FMNL2: variants seen among roughly 807,000 people sequenced by gnomAD.
The protein encoded by FMNL2 is formin-like protein 2.
A neutral mutation model predicts 130.2 loss-of-function variants in FMNL2; 51 were observed. That is an observed-to-expected ratio of 0.39 (90% CI 0.31 to 0.49). The LOEUF is 0.49. Ranked by LOEUF, FMNL2 falls within the 20% of genes least tolerant of loss-of-function variation. The probability of loss-of-function intolerance (pLI) is 0.85; values close to 1 mark genes in which losing one functional copy is unlikely to be tolerated. For synonymous variants in FMNL2, 465 were observed against 467.1 expected (o/e 1.00, Z 0.06); for missense variants, 977 against 1,316.2 (o/e 0.74, Z 3.99).
chr2:152,350,112 G>T (rs923835433), intron 1 of FMNL2, among the ~76,000 whole-genome samples: 1 of 152,184 alleles, frequency 6.6e-6, no homozygotes, highest in African/African-American at 2.4e-5. Flanking sequence ...AATGGGATAT[G>T]TGAAGTGGTG....
intron 25 of FMNL2, among the ~76,000 whole-genome samples, chr2:152,647,060 C>T (rs910250285): frequency 1.3e-5 from 2 of 152,064 alleles, no homozygotes; most frequent in Admixed American, 1.3e-4. Context: ...TTCTTGCTGA[C>T]GTAACATAAA....
chr2:152,642,067 AG>A (rs1164259920), intron 25 of FMNL2, among the ~76,000 whole-genome samples: 2 of 152,016 alleles, frequency 1.3e-5, no homozygotes, highest in Non-Finnish European at 1.5e-5. Flanking sequence ...CAGCCTCCCA[AG>A]TAGCTGGGAC....
intron 10 of FMNL2, among the ~76,000 whole-genome samples, chr2:152,609,057 G>C (rs956101292): frequency 6.6e-6 from 1 of 152,136 alleles, no homozygotes; most frequent in Non-Finnish European, 1.5e-5. Flanking sequence ...AGCCCAGCCT[G>C]CTCATTTATG....
intron 1 of FMNL2, among the ~76,000 whole-genome samples, chr2:152,520,159 T>C (rs1375010463): frequency 1.3e-5 from 2 of 152,230 alleles, no homozygotes; most frequent in Non-Finnish European, 2.9e-5. Flanking sequence ...AGATATTCCA[T>C]GAAGACAGGC....
intron 1 of FMNL2, among the ~76,000 whole-genome samples, chr2:152,430,724 T>A (rs1253305968): frequency 6.6e-6 from 1 of 152,044 alleles, no homozygotes; most frequent in East Asian, 1.9e-4. Context: ...ATACAAAAAA[T>A]TAGCGGGGCA....
chr2:152,519,061 A>G (rs973055910), intron 1 of FMNL2, among the ~76,000 whole-genome samples: 7 of 151,934 alleles, frequency 4.6e-5, no homozygotes, highest in African/African-American at 1.7e-4. Context: ...AGCTCCTTAA[A>G]TGTGGAAAGC....
chr2:152,604,554 C>T (rs1698254472), intron 9 of FMNL2, among the ~76,000 whole-genome samples: 1 of 141,556 alleles, frequency 7.1e-6, no homozygotes, highest in African/African-American at 2.5e-5. Context: ...CTCTTTTCCT[C>T]TTCTGTTACT....
chr2:152,474,649 G>A (rs1482300022), intron 1 of FMNL2, among the ~76,000 whole-genome samples: 1 of 152,018 alleles, frequency 6.6e-6, no homozygotes, highest in Non-Finnish European at 1.5e-5. Context: ...TTGTACCACT[G>A]CACTCCAGCC....
At chr2:152,513,591 C>G (rs1692600307) in intron 1 of FMNL2, among the ~76,000 whole-genome samples, 2 of 152,126 alleles carry the variant, frequency 1.3e-5, no homozygotes, top group Admixed American at 1.3e-4. Flanking sequence ...TCTTGTAGCT[C>G]TGTACTTTTT....
chr2:152,374,594 TA>T (rs1360162108), intron 1 of FMNL2, among the ~76,000 whole-genome samples: 10 of 152,154 alleles, frequency 6.6e-5, no homozygotes, highest in Admixed American at 2.0e-4. Context: ...TTTAATGGCT[TA>T]AAAAAATTCT....
intron 1 of FMNL2, among the ~76,000 whole-genome samples, chr2:152,486,340 C>T (rs769199365): frequency 7.2e-5 from 11 of 152,230 alleles, no homozygotes; most frequent in Middle Eastern, 3.4e-3. Context: ...TAACAATATA[C>T]GATTCTTTCA....
At chr2:152,376,643 T>C (rs1043905430) in intron 1 of FMNL2, among the ~76,000 whole-genome samples, 3 of 151,704 alleles carry the variant, frequency 2.0e-5, no homozygotes, top group Non-Finnish European at 4.4e-5. Context: ...TACTGAAAAT[T>C]GTGACCTCCT....
At chr2:152,427,213 C>A (rs1464570284) in intron 1 of FMNL2, among the ~76,000 whole-genome samples, 1 of 152,038 alleles carries the variant, frequency 6.6e-6, no homozygotes, top group Non-Finnish European at 1.5e-5. Flanking sequence ...AAGAGGGAAA[C>A]CAGATGGGAA....
intron 8 of FMNL2, among the ~76,000 whole-genome samples, chr2:152,579,942 A>G (rs1696688526): frequency 6.6e-6 from 1 of 152,238 alleles, no homozygotes; most frequent in Non-Finnish European, 1.5e-5. Context: ...AAAACTGTTA[A>G]TTCAAAAATC....
chr2:152,350,902 G>A (rs886271766), intron 1 of FMNL2, among the ~76,000 whole-genome samples: 3 of 152,152 alleles, frequency 2.0e-5, no homozygotes, highest in East Asian at 1.9e-4. Flanking sequence ...AAAATCGGCC[G>A]GGTATGGTGG....
intron 6 of FMNL2, among the ~76,000 whole-genome samples, chr2:152,564,536 A>T (rs1430043343): frequency 6.6e-6 from 1 of 152,170 alleles, no homozygotes; most frequent in Non-Finnish European, 1.5e-5. Flanking sequence ...AGCCTGGCCA[A>T]CATGGTGAAA....
chr2:152,347,310 A>G (rs1417575871), intron 1 of FMNL2, among the ~76,000 whole-genome samples: 1 of 152,302 alleles, frequency 6.6e-6, no homozygotes, highest in South Asian at 2.1e-4. Flanking sequence ...TCTGACTCCA[A>G]GTGACTCTAA....
chr2:152,374,412 T>TTGA (rs1337656920), intron 1 of FMNL2, among the ~76,000 whole-genome samples: 41 of 152,308 alleles, frequency 2.7e-4, no homozygotes, highest in African/African-American at 9.6e-4. Flanking sequence ...CACGCAGATT[T>TTGA]TCTTGATCAG....
intron 9 of FMNL2, among the ~76,000 whole-genome samples, chr2:152,601,277 G>A (rs1268167110): frequency 2.0e-5 from 3 of 149,690 alleles, no homozygotes; most frequent in Admixed American, 6.7e-5. Flanking sequence ...AACCCTGATG[G>A]CTTTCTTTCT....
Sources: gnomAD v4.1 joint callset for allele counts (sites outside exome capture counted in the v4.1 genomes callset) on GRCh38, gnomAD v4.1.1 for gene constraint, MANE v1.5 for transcripts, NCBI Gene and HGNC (gene_info 2026-07-23, HGNC 2026-07-21) for gene names.